The following SMOC1 variants were observed in gnomAD, a reference collection of about 807,000 sequenced individuals.
The protein encoded by SMOC1 is SPARC-related modular calcium-binding protein 1.
A neutral mutation model predicts 56.3 loss-of-function variants in SMOC1; 22 were observed. The observed-to-expected ratio is 0.39, with a 90% CI of 0.28 to 0.56. The LOEUF (loss-of-function observed/expected upper bound fraction) is 0.56. Among genes scored for constraint, SMOC1 ranks in the 20% least tolerant of loss-of-function variants. The pLI is 0.61. For missense variants in SMOC1, 509 were observed against 565.4 expected, an observed-to-expected ratio of 0.90 and a Z score of 1.01; for synonymous variants, 193 against 215.0, an observed-to-expected ratio of 0.90 and a Z score of 0.89.
rs557432568 is a variant in SMOC1 at position 69,976,975 on chromosome 14, A to T, written c.479-943A>T. Among the ~76,000 whole-genome samples the T allele has an allele frequency of 4.6e-5, 7 of 152,350 alleles. No homozygotes were observed. In the East Asian group the frequency reaches 1.3e-3, roughly 29 times the overall value. On this transcript the variant is annotated intron_variant, in intron 4 of 11. Coordinates refer to ENST00000361956, the MANE Select transcript of SMOC1 (RefSeq NM_001034852.3). ...GAAGTTTACTTTATTTGTGGTTTAC[A>T]TGGAAACTAGAAACCTTAATTGGGG... is the stretch of plus-strand genomic sequence containing the variant.
intron 1 of SMOC1, among the ~76,000 whole-genome samples, chr14:69,902,425 G>T (rs1048657252): frequency 2.6e-5 from 4 of 152,154 alleles, no homozygotes; most frequent in Non-Finnish European, 4.4e-5. Context: ...AAGAGATGGG[G>T]TCTATTTCCA....
chr14:70,023,364 G>T lies in SMOC1; in HGVS notation c.1208G>T (p.Arg403Leu). 1 of 1,614,134 alleles carries T rather than the reference G, an allele frequency of 6.2e-7. No individual in the cohort carries two copies. Among genetic ancestry groups the T allele is most frequent in the Non-Finnish European group, 8.5e-7 (1 of 1,180,036 alleles). The change falls in exon 11 of 12, where the codon CGT becomes CTT. Residue 403 changes from arginine to leucine, a missense_variant. Arg to Leu is a moderately radical substitution (Grantham distance 102). This residue lies in a region of SMOC1 where 176 missense variants were observed against 188.1 expected (regional missense o/e 0.94). Transcript: ENST00000361956. Reference sequence around the variant, plus strand: ...GCCAAGCCCAAGAAATGTGCCCGGCGTTTCACCGACTACTGTGACCTGAAC... The same window carrying T: ...GCCAAGCCCAAGAAATGTGCCCGGCTTTTCACCGACTACTGTGACCTGAAC... ...KKAKPKKCAR[R>L]FTDYCDLNKD...
intron 1 of SMOC1, among the ~76,000 whole-genome samples, chr14:69,924,052 C>T (rs575624508): frequency 3.9e-5 from 6 of 152,346 alleles, no homozygotes; most frequent in South Asian, 2.1e-4. Context: ...CAACAGCATC[C>T]GCTACAGATA....
At chr14:69,991,502 T>C (rs1884566768) in intron 5 of SMOC1, among the ~76,000 whole-genome samples, 1 of 152,160 alleles carries the variant, frequency 6.6e-6, no homozygotes, top group African/African-American at 2.4e-5. Context: ...GGTTGAGAAA[T>C]ACTGCTATAA....
rs367641959 is a variant in SMOC1 at position 69,975,624 on chromosome 14, G to A, written c.379-91G>A. 6.2e-4 allele frequency: 579 copies of A among 935,484 alleles called. 4 individuals carry two copies. In the African/African-American group the frequency reaches 7.1e-3, roughly 11 times the overall value. 57.9% of individuals were successfully genotyped at this position (935,484 alleles called of 1,614,324 possible). ...GAGAGGTGGAAGATGCTCTTTCACC[G>A]TATGGGTGATGCTTTGAAAGGGGTT... On this transcript the variant is annotated intron_variant, in intron 3 of 11. Transcript: ENST00000361956.
chr14:70,014,158 C>G (rs1422213502), intron 10 of SMOC1, among the ~76,000 whole-genome samples: 1 of 152,198 alleles, frequency 6.6e-6, no homozygotes, highest in African/African-American at 2.4e-5. Context: ...GAAAACACAG[C>G]AAACACTGGG....
chr14:69,959,899 C>T (rs1322622362), intron 3 of SMOC1, among the ~76,000 whole-genome samples: 1 of 152,154 alleles, frequency 6.6e-6, no homozygotes, highest in African/African-American at 2.4e-5. Flanking sequence ...CACTTGTTTC[C>T]TAAGTGCCTG....
chr14:69,938,653 T>C (rs2139409884), intron 1 of SMOC1, among the ~76,000 whole-genome samples: 1 of 152,134 alleles, frequency 6.6e-6, no homozygotes, highest in African/African-American at 2.4e-5. Context: ...TTTGGCTCAT[T>C]GAAGGAGGGA....
intron 1 of SMOC1, among the ~76,000 whole-genome samples, chr14:69,904,138 G>T (rs985921876): frequency 6.6e-6 from 1 of 152,200 alleles, no homozygotes; most frequent in Non-Finnish European, 1.5e-5. Flanking sequence ...GGTCTTGGGG[G>T]TGGCTCATTA....
intron 1 of SMOC1, among the ~76,000 whole-genome samples, chr14:69,918,491 G>C (rs58258963): frequency 6.6e-6 from 1 of 152,118 alleles, no homozygotes; most frequent in Non-Finnish European, 1.5e-5. Context: ...GCCTCCCCAA[G>C]TGCTAGGATT....
chr14:69,880,421 A>T (rs1156363426), intron 1 of SMOC1, among the ~76,000 whole-genome samples: 1 of 152,072 alleles, frequency 6.6e-6, no homozygotes, highest in Non-Finnish European at 1.5e-5. Flanking sequence ...CAGTGCTGGG[A>T]GGTTGAATTA....
chr14:69,978,863 C>T (rs1370789083), intron 5 of SMOC1, among the ~76,000 whole-genome samples: 1 of 152,066 alleles, frequency 6.6e-6, no homozygotes, highest in African/African-American at 2.4e-5. Context: ...CCAACATGAG[C>T]CATAGGTCCC....
rs147161303 is a variant in SMOC1, at chr14:69,954,830, G to T, written c.378+1298G>T. On this transcript the variant is annotated intron_variant, in intron 3 of 11. Transcript: ENST00000361956. ...TAATTCTCGATCAATGTGGCAAAGG[G>T]TATATAGGCTGGTCTTTGGTCTGAG... Among the ~76,000 whole-genome samples, 551 of 152,330 alleles carry T rather than the reference G, an allele frequency of 3.6e-3. 4 individuals are homozygous for T. The highest frequency in any genetic ancestry group is 0.017 in the Middle Eastern group (5 of 294).
At chr14:69,929,649 A>G (rs1941722310) in intron 1 of SMOC1, among the ~76,000 whole-genome samples, 1 of 152,162 alleles carries the variant, frequency 6.6e-6, no homozygotes, top group Admixed American at 6.5e-5. Context: ...AAGCCAGAGT[A>G]TTGAATCTTG....
At chr14:70,025,393 C>T (rs374076694) in intron 11 of SMOC1, among the ~76,000 whole-genome samples, 4 of 152,310 alleles carry the variant, frequency 2.6e-5, no homozygotes, top group East Asian at 1.9e-4. Context: ...TCCCACCGCC[C>T]GCCCCGCCAT....
chr14:69,991,895 CAGTG>C (rs1884580318), intron 5 of SMOC1, among the ~76,000 whole-genome samples: 2 of 152,094 alleles, frequency 1.3e-5, no homozygotes, highest in Non-Finnish European at 2.9e-5. Flanking sequence ...AGTGGAGAAA[CAGTG>C]AGGAGATTGG....
intron 1 of SMOC1, among the ~76,000 whole-genome samples, chr14:69,949,667 C>T (rs1001788130): frequency 1.3e-5 from 2 of 152,282 alleles, no homozygotes; most frequent in South Asian, 2.1e-4. Flanking sequence ...GAAGGAACAG[C>T]GTGCCTGAAG....
intron 7 of SMOC1, among the ~76,000 whole-genome samples, chr14:69,996,879 C>T (rs1381030641): frequency 6.6e-6 from 1 of 152,156 alleles, no homozygotes; most frequent in African/African-American, 2.4e-5. Flanking sequence ...ATATATGGTG[C>T]CACAAAGGCC....
At chr14:69,926,932 A>C (rs749922255) in intron 1 of SMOC1, among the ~76,000 whole-genome samples, 1 of 152,198 alleles carries the variant, frequency 6.6e-6, no homozygotes, top group Non-Finnish European at 1.5e-5. Flanking sequence ...GAAAACCTGG[A>C]TGTGGTGATG....
Sources: gnomAD v4.1 joint callset for allele counts (sites outside exome capture counted in the v4.1 genomes callset) on GRCh38, gnomAD v4.1.1 for gene constraint, gnomAD v4.1.1 regional missense constraint, MANE v1.5 for transcripts, NCBI Gene and HGNC (gene_info 2026-07-23, HGNC 2026-07-21) for gene names.